Variants in OSBPL8 observed in about 807,000 individuals in gnomAD.
OSBPL8 encodes oxysterol binding protein like 8.
A neutral mutation model predicts 125.5 loss-of-function variants in OSBPL8; 59 were observed. The ratio of observed to expected loss-of-function variants is 0.47; its 90% CI spans 0.38 to 0.58. The LOEUF (loss-of-function observed/expected upper bound fraction) is 0.58, where lower values mean the gene tolerates loss of function less well. Among genes scored for constraint, OSBPL8 ranks in the 20% least tolerant of loss-of-function variants. OSBPL8 has a pLI of 0.00. For missense variants in OSBPL8, 758 were observed against 1,047.8 expected, an observed-to-expected ratio of 0.72 and a Z score of 3.82; for synonymous variants, 330 against 338.9, an observed-to-expected ratio of 0.97 and a Z score of 0.29.
chr12:76,379,188 C>A (rs1204071187), intron 15 of OSBPL8, among the ~76,000 whole-genome samples: 3 of 152,024 alleles, frequency 2.0e-5, no homozygotes, highest in Non-Finnish European at 4.4e-5. Context: ...TTGAATAAAA[C>A]CATTATTTTT....
At chr12:76,503,124 T>C (rs957656058) in intron 1 of OSBPL8, among the ~76,000 whole-genome samples, 1 of 152,192 alleles carries the variant, frequency 6.6e-6, no homozygotes, top group Admixed American at 6.5e-5. Context: ...TTTGTTATTG[T>C]CTTTGTTTGG....
At chr12:76,496,772 C>A (rs1048851260) in intron 1 of OSBPL8, among the ~76,000 whole-genome samples, 5 of 152,120 alleles carry the variant, frequency 3.3e-5, no homozygotes, top group Non-Finnish European at 7.4e-5. Context: ...GAACTCCTGA[C>A]CTCAGGTGAT....
chr12:76,430,102 C>G (rs76109992), intron 4 of OSBPL8, among the ~76,000 whole-genome samples: 2 of 152,072 alleles, frequency 1.3e-5, no homozygotes, highest in Non-Finnish European at 2.9e-5. Context: ...CAATCCTGTC[C>G]GCTGAGTGAC....
rs766666541 is a variant in OSBPL8 at position 76,397,748 on chromosome 12, A to G, written c.618T>C (p.Asp206=). Reference sequence around the variant, plus strand: ...GATGGAAAAGTTTGAAACAAAAGCCATCCTTTTTTGATGGACGTTCAATGA... The same window carrying G: ...GATGGAAAAGTTTGAAACAAAAGCCGTCCTTTTTTGATGGACGTTCAATGA... ...CEIIERPSKK[D]GFCFKLFHPL... The change falls in exon 8 of 24, where the codon GAT becomes GAC. Residue 206 remains aspartate (D), a synonymous_variant. Transcript: ENST00000261183. 1 of 1,614,080 alleles carries G rather than the reference A, an allele frequency of 6.2e-7. No individual in the cohort carries two copies. The highest frequency in any genetic ancestry group is 8.5e-7 in the Non-Finnish European group (1 of 1,179,986).
At chr12:76,532,168 G>GA (rs531222125) in intron 1 of OSBPL8, among the ~76,000 whole-genome samples, 389 of 148,400 alleles carry the variant, frequency 2.6e-3, no homozygotes, top group Admixed American at 4.6e-3. Flanking sequence ...TCTAAGAAGA[G>GA]AAAAAAAAAC....
At chr12:76,521,026 G>T (rs1380034187) in intron 1 of OSBPL8, among the ~76,000 whole-genome samples, 1 of 152,126 alleles carries the variant, frequency 6.6e-6, no homozygotes, top group African/African-American at 2.4e-5. Flanking sequence ...AAAGAGCAAA[G>T]TATCTATTTC....
At chr12:76,498,928 T>C (rs928295532) in intron 1 of OSBPL8, among the ~76,000 whole-genome samples, 3 of 151,970 alleles carry the variant, frequency 2.0e-5, no homozygotes, top group Non-Finnish European at 4.4e-5. Flanking sequence ...AGTTTCACCA[T>C]TGGGATGGTT....
intron 3 of OSBPL8, among the ~76,000 whole-genome samples, chr12:76,458,878 G>A (rs1874371822): frequency 6.6e-6 from 1 of 152,134 alleles, no homozygotes; most frequent in Non-Finnish European, 1.5e-5. Flanking sequence ...TGAAATATGA[G>A]TCCCAGAACA....
chr12:76,388,986 T>C (rs2136285699), intron 12 of OSBPL8, among the ~76,000 whole-genome samples: 1 of 152,270 alleles, frequency 6.6e-6, no homozygotes. Context: ...AACACCATTA[T>C]TGCTGGAATA....
rs1235266892 is a variant in OSBPL8, at chr12:76,378,545, A to C, written c.1636T>G (p.Ser546Ala). 6.3e-7 allele frequency: 1 copy of C among 1,578,674 alleles called. No individual in the cohort carries two copies. The change falls in exon 16 of 24, where the codon TCA (serine) becomes GCA (alanine). Residue 546 changes from serine (S) to alanine (A), a missense_variant. Ser to Ala is a moderately conservative substitution (Grantham distance 99, BLOSUM62 1). Around this residue, in one of 3 missense-constraint regions of OSBPL8, gnomAD observed 572 missense variants for 762.0 expected, o/e 0.75. Transcript: ENST00000261183. ...ILAKSKFYGN[S>A]LSAILEGEAR... ...TCTCCCTCTAATATTGCAGATAATG[A>C]GTTTCCTGAAATAAAATGTTGTTTA...
chr12:76,550,861 G>A (rs986396946), intron 1 of OSBPL8, among the ~76,000 whole-genome samples: 8 of 152,130 alleles, frequency 5.3e-5, no homozygotes, highest in Non-Finnish European at 7.4e-5. Flanking sequence ...AACATTTTGG[G>A]AGGCAGGAGT....
chr12:76,356,075 TA>T, intron 23 of OSBPL8, 54 bp from the exon 24 acceptor site: 1 of 1,420,180 alleles, frequency 7.0e-7, no homozygotes, highest in Non-Finnish European at 9.5e-7. Context: ...AATGTTGGCA[TA>T]GAGCCCACAA....
At chr12:76,457,432 G>A (rs1047746357) in intron 3 of OSBPL8, among the ~76,000 whole-genome samples, 1 of 152,114 alleles carries the variant, frequency 6.6e-6, no homozygotes, top group Non-Finnish European at 1.5e-5. Context: ...ATGCATTCAT[G>A]ATATACCTAA....
chr12:76,416,278 T>C (rs938196400), intron 4 of OSBPL8, among the ~76,000 whole-genome samples: 4 of 152,074 alleles, frequency 2.6e-5, no homozygotes, highest in African/African-American at 9.6e-5. Context: ...TAATATGTTC[T>C]GAATAATTTT....
intron 2 of OSBPL8, among the ~76,000 whole-genome samples, chr12:76,484,525 T>C (rs962170230): frequency 6.6e-6 from 1 of 152,246 alleles, no homozygotes; most frequent in Non-Finnish European, 1.5e-5. Context: ...AGGCACTTCA[T>C]AGACATATTT....
chr12:76,409,644 A>T (rs1206523407), intron 5 of OSBPL8, among the ~76,000 whole-genome samples: 1 of 152,196 alleles, frequency 6.6e-6, no homozygotes, highest in African/African-American at 2.4e-5. Context: ...ATAAATACAA[A>T]GTACTTTTAA....
At chr12:76,460,495 C>CAAA (rs912554875) in intron 2 of OSBPL8, among the ~76,000 whole-genome samples, 4 of 69,384 alleles carry the variant, frequency 5.8e-5, no homozygotes, top group African/African-American at 1.7e-4. Context: ...TCTCAATTGG[C>CAAA]AAAAAAAAAA....
At chr12:76,479,972 G>A (rs1215888181) in intron 2 of OSBPL8, among the ~76,000 whole-genome samples, 8 of 151,950 alleles carry the variant, frequency 5.3e-5, no homozygotes, top group Admixed American at 5.2e-4. Flanking sequence ...TTCAAGACCA[G>A]CATAACCAAC....
intron 1 of OSBPL8, among the ~76,000 whole-genome samples, chr12:76,553,047 T>C (rs1311004787): frequency 6.6e-6 from 1 of 152,092 alleles, no homozygotes; most frequent in Admixed American, 6.6e-5. Flanking sequence ...TCTCCAGAAG[T>C]CCCTCATCCT....
Sources: gnomAD v4.1 joint callset for allele counts (sites outside exome capture counted in the v4.1 genomes callset) on GRCh38, gnomAD v4.1.1 for gene constraint, gnomAD v4.1.1 regional missense constraint, MANE v1.5 for transcripts, NCBI Gene and HGNC (gene_info 2026-07-23, HGNC 2026-07-21) for gene names.